Variants in LRIG3 observed in about 807,000 individuals in gnomAD.
LRIG3 encodes leucine-rich repeats and immunoglobulin-like domains protein 3.
A neutral mutation model predicts 114.5 loss-of-function variants in LRIG3; 76 were observed. The ratio of observed to expected loss-of-function variants is 0.66; its 90% confidence interval spans 0.55 to 0.80. The LOEUF (loss-of-function observed/expected upper bound fraction) is 0.80, where lower values mean the gene tolerates loss of function less well. Among genes scored for constraint, LRIG3 ranks in the 30% least tolerant of loss-of-function variants. The probability of loss-of-function intolerance (pLI) is 0.00; values close to 1 mark genes in which losing one functional copy is unlikely to be tolerated. For missense variants in LRIG3, 1,239 were observed against 1,382.8 expected, an observed-to-expected ratio of 0.90 and a Z score of 1.65; for synonymous variants, 512 against 519.8, an observed-to-expected ratio of 0.98 and a Z score of 0.20.
rs61754176 is a variant in LRIG3, at chr12:58,874,167, A to G, written c.3003T>C (p.Ser1001=). The change falls in exon 18 of 19, where the codon AGT becomes AGC. Residue 1001 remains serine, a synonymous_variant. Coordinates refer to ENST00000320743, the MANE Select transcript of LRIG3 (RefSeq NM_153377.5). ...TTCCAGGTCCTTCATTGTGAGAGTA[A>G]CTAGTGTTAAGTAGCTTCCTCACAT... The part of the protein sequence containing the change: ...PSHVRKLLNT[S]YSHNEGPGMK... 16,384 of 1,614,200 alleles carry G rather than the reference A, an allele frequency of 0.01. 114 individuals are homozygous for G. Among genetic ancestry groups the G allele is most frequent in the Non-Finnish European group, 0.011 (12,410 of 1,180,038 alleles).
chr12:58,893,727 G>A (rs1592302503), intron 3 of LRIG3, among the ~76,000 whole-genome samples: 1 of 152,268 alleles, frequency 6.6e-6, no homozygotes, highest in Non-Finnish European at 1.5e-5. Flanking sequence ...TCTCTTAAAT[G>A]CATAATCCAA....
At chr12:58,905,605 C>T (rs542211266) in intron 3 of LRIG3, among the ~76,000 whole-genome samples, 1 of 152,232 alleles carries the variant, frequency 6.6e-6, no homozygotes, top group African/African-American at 2.4e-5. Flanking sequence ...TACCGATAGG[C>T]CCTTTAAGAG....
chr12:58,912,315 T>C (rs189978710), intron 3 of LRIG3, among the ~76,000 whole-genome samples: 1 of 152,136 alleles, frequency 6.6e-6, no homozygotes, highest in Admixed American at 6.5e-5. Flanking sequence ...GCTAACACGG[T>C]GAAACCCCCT....
chr12:58,897,862 G>A (rs375500061), intron 3 of LRIG3, among the ~76,000 whole-genome samples: 1 of 152,062 alleles, frequency 6.6e-6, no homozygotes, highest in East Asian at 1.9e-4. Context: ...GCCTTCCACC[G>A]TCATTTTCAC....
intron 9 of LRIG3, among the ~76,000 whole-genome samples, 162 bp from the exon 10 acceptor site, chr12:58,886,064 TGTA>T (rs1871268633): frequency 1.3e-5 from 2 of 152,194 alleles, no homozygotes; most frequent in Admixed American, 1.3e-4. Context: ...ATTTCAATAA[TGTA>T]GTCGAACATG....
intron 1 of LRIG3, among the ~76,000 whole-genome samples, chr12:58,918,597 T>C (rs1872559322): frequency 6.6e-6 from 1 of 152,218 alleles, no homozygotes; most frequent in East Asian, 1.9e-4. Context: ...TTCCTAAGTG[T>C]TCACCTCCAG....
In LRIG3 at chr12:58,880,567, G is replaced by C; in HGVS notation, c.1801+14C>G. The C allele has an allele frequency of 6.2e-7, 1 of 1,605,558 alleles. No individual in the cohort carries two copies. On this transcript the variant is annotated intron_variant, in intron 13 of 18. Transcript: ENST00000320743. ...GGTATCTTTAAATGCTAAAGGAAAA[G>C]TCAGATCACATACTATTTACTGTAA...
chr12:58,904,427 T>C (rs559643861), intron 3 of LRIG3, among the ~76,000 whole-genome samples: 117 of 152,312 alleles, frequency 7.7e-4, no homozygotes, highest in African/African-American at 2.7e-3. Context: ...CTGTACCTGA[T>C]ACTTTAAAGC....
Position 58,877,732 on chromosome 12 carries a change from C to T in LRIG3, c.2204G>A (p.Ser735Asn), listed in dbSNP as rs773724031. ...PPKLNWTKDD[S>N]PLVVTERHFF... ...GTGCCTCTCGGTTACCACCAATGGG[C>T]TATCATCTTTGGTCCAGTTCAGTTT... Residue 735 changes from serine to asparagine, a missense_variant, in exon 15 of 19, where the codon AGC becomes AAC. Ser to Asn is a conservative substitution (Grantham distance 46, BLOSUM62 1). Transcript: ENST00000320743. The T allele has an allele frequency of 5.6e-6, 9 of 1,614,102 alleles. No individual in the cohort carries two copies. The highest frequency in any genetic ancestry group is 1.6e-4 in the Middle Eastern group (1 of 6,084).
intron 1 of LRIG3, chr12:58,919,502 T>G: frequency 6.4e-7 from 1 of 1,551,514 alleles, no homozygotes; most frequent in Non-Finnish European, 8.7e-7. Flanking sequence ...AATGACCGAA[T>G]TCTGTTGAGG....
chr12:58,912,176 CTAATTA>C (rs1872304002), intron 3 of LRIG3, among the ~76,000 whole-genome samples: 1 of 152,184 alleles, frequency 6.6e-6, no homozygotes, highest in African/African-American at 2.4e-5. Flanking sequence ...TTGTAGCTTT[CTAATTA>C]TAAGTTATAA....
chr12:58,909,113 C>T (rs1262420768), intron 3 of LRIG3, among the ~76,000 whole-genome samples: 1 of 152,138 alleles, frequency 6.6e-6, no homozygotes, highest in Non-Finnish European at 1.5e-5. Context: ...CCATTTAAAA[C>T]TGTAAAACCC....
intron 3 of LRIG3, among the ~76,000 whole-genome samples, chr12:58,908,313 A>C (rs562719226): frequency 1.9e-4 from 29 of 152,294 alleles, no homozygotes; most frequent in African/African-American, 6.0e-4. Context: ...GTGGGAAGAG[A>C]TCAGTGTGGA....
intron 3 of LRIG3, among the ~76,000 whole-genome samples, chr12:58,902,467 AT>A (rs1373227504): frequency 2.0e-5 from 3 of 152,188 alleles, no homozygotes; most frequent in African/African-American, 7.2e-5. Flanking sequence ...AGACTGCTCT[AT>A]CTGCTCAATA....
chr12:58,899,105 C>T (rs1454088465), intron 3 of LRIG3, among the ~76,000 whole-genome samples: 1 of 152,208 alleles, frequency 6.6e-6, no homozygotes, highest in East Asian at 1.9e-4. Flanking sequence ...TTGTTAAGCC[C>T]ACACCTTCAG....
rs892138517 is a variant in LRIG3 at position 58,920,316 on chromosome 12, G to A, written c.-81C>T. ...GCCCGGCACAAACTTCCAGCCGAGGGTGCACGCCCGCCCTCGCGGTCGCGT... is the reference window on the plus strand; with the variant it reads ...GCCCGGCACAAACTTCCAGCCGAGGATGCACGCCCGCCCTCGCGGTCGCGT... On this transcript the variant is annotated 5_prime_UTR_variant, in exon 1 of 19. Transcript: ENST00000320743. 7 of 1,072,322 alleles carry A rather than the reference G, an allele frequency of 6.5e-6. No homozygotes were observed. The South Asian group carries it at 1.7e-4, about 26-fold the overall frequency. The allele number at this position is 1,072,322 out of a possible 1,614,324, so 66.4% of individuals were successfully genotyped here.
At chr12:58,901,559 C>T (rs141215204) in intron 3 of LRIG3, among the ~76,000 whole-genome samples, 8 of 152,242 alleles carry the variant, frequency 5.3e-5, no homozygotes, top group East Asian at 3.9e-4. Flanking sequence ...TGGCTACCAC[C>T]GGGTACAGCA....
At chr12:58,913,909 T>G in intron 3 of LRIG3, 73 bp downstream of exon 3, 1 of 1,287,596 alleles carries the variant, frequency 7.8e-7, no homozygotes, top group South Asian at 1.3e-5. Flanking sequence ...AAGATCTCTA[T>G]GCTAGTCCCT....
rs764353671 is a variant in LRIG3, at chr12:58,890,029, G to A, written c.626C>T (p.Pro209Leu). ...CAGTTGGGGCAGTTTAAACATCTTGGGTGGGATAGCTGAGATTCGGTTCCT... is the reference window on the plus strand; with the variant it reads ...CAGTTGGGGCAGTTTAAACATCTTGAGTGGGATAGCTGAGATTCGGTTCCT... ...LNRNRISAIP[P>L]KMFKLPQLQH... The change falls in exon 5 of 19, where the codon CCC becomes CTC. Residue 209 changes from proline (P) to leucine (L), a missense_variant. Coordinates refer to ENST00000320743, the MANE Select transcript of LRIG3 (RefSeq NM_153377.5). The A allele has an allele frequency of 3.5e-5, 57 of 1,613,628 alleles. No homozygotes were observed. Among genetic ancestry groups the A allele is most frequent in the Non-Finnish European group, 4.7e-5 (56 of 1,179,808 alleles).
Sources: gnomAD v4.1 joint callset for allele counts (sites outside exome capture counted in the v4.1 genomes callset) on GRCh38, gnomAD v4.1.1 for gene constraint, MANE v1.5 for transcripts, NCBI Gene and HGNC (gene_info 2026-07-23, HGNC 2026-07-21) for gene names.